The following NAALADL2 variants were observed in gnomAD, a reference collection of about 807,000 sequenced individuals.
NAALADL2 encodes N-acetylated alpha-linked acidic dipeptidase like 2.
Under a neutral mutation model 87.2 loss-of-function variants are expected in NAALADL2, and 76 were observed. The ratio of observed to expected loss-of-function variants is 0.87; its 90% CI spans 0.72 to 1.05. The LOEUF is 1.05. Among genes scored for constraint, NAALADL2 ranks in the 50% least tolerant of loss-of-function variants. NAALADL2 has a pLI of 0.00. For missense variants in NAALADL2, 1,089 were observed against 945.8 expected, an observed-to-expected ratio of 1.15 and a Z score of -1.99; for synonymous variants, 354 against 331.0, an observed-to-expected ratio of 1.07 and a Z score of -0.75.
At chr3:174,875,147 G>T (rs1383887025) in intron 1 of NAALADL2, among the ~76,000 whole-genome samples, 2 of 127,026 alleles carry the variant, frequency 1.6e-5, no homozygotes, top group Non-Finnish European at 1.7e-5. Context: ...AAAAAATCAC[G>T]ATTGGCGAAA....
chr3:175,358,054 A>C (rs1381755966), intron 5 of NAALADL2, among the ~76,000 whole-genome samples: 1 of 152,204 alleles, frequency 6.6e-6, no homozygotes, highest in Admixed American at 6.6e-5. Context: ...ACTGAAATGC[A>C]TGCCATTGAT....
chr3:175,572,900 GAAA>G (rs11299677), intron 9 of NAALADL2, among the ~76,000 whole-genome samples: 57 of 147,158 alleles, frequency 3.9e-4, no homozygotes, highest in African/African-American at 1.3e-3. Flanking sequence ...ACTCTATCTT[GAAA>G]AAAAAAAAAA....
chr3:175,114,258 T>G (rs999862755), intron 2 of NAALADL2, among the ~76,000 whole-genome samples: 1 of 151,618 alleles, frequency 6.6e-6, no homozygotes, highest in African/African-American at 2.4e-5. Context: ...TGGAGGACTA[T>G]TAAATCACGT....
At chr3:175,609,653 T>C (rs1341282626) in intron 10 of NAALADL2, 1 of 152,156 alleles carries the variant, frequency 6.6e-6, no homozygotes, top group Non-Finnish European at 1.5e-5. Flanking sequence ...GCTCATATTT[T>C]GTTTATTCTC....
At chr3:175,589,618 G>T (rs1721072627) in intron 10 of NAALADL2, among the ~76,000 whole-genome samples, 1 of 151,616 alleles carries the variant, frequency 6.6e-6, no homozygotes, top group African/African-American at 2.4e-5. Flanking sequence ...CATCATAATT[G>T]ATATAACTAT....
At chr3:175,502,068 A>C (rs1227973815) in intron 9 of NAALADL2, among the ~76,000 whole-genome samples, 1 of 152,140 alleles carries the variant, frequency 6.6e-6, no homozygotes, top group Non-Finnish European at 1.5e-5. Flanking sequence ...AACAATTTCA[A>C]GTAAAATAAA....
chr3:174,981,878 A>C (rs1029870948), intron 1 of NAALADL2, among the ~76,000 whole-genome samples: 3 of 152,132 alleles, frequency 2.0e-5, no homozygotes, highest in Non-Finnish European at 2.9e-5. Flanking sequence ...CATCAGATCT[A>C]ATTTCCAGGT....
upstream of NAALADL2, among the ~76,000 whole-genome samples, chr3:174,856,638 T>C (rs1725890085): frequency 6.6e-6 from 1 of 152,110 alleles, no homozygotes; most frequent in Non-Finnish European, 1.5e-5. Flanking sequence ...ATGCAAAAGT[T>C]ATGAGGCTGG....
chr3:175,011,363 T>C (rs781606238), intron 1 of NAALADL2, among the ~76,000 whole-genome samples: 16 of 152,128 alleles, frequency 1.1e-4, no homozygotes, highest in Non-Finnish European at 2.2e-4. Flanking sequence ...GAAGTTGTAA[T>C]ATAATGTGTA....
chr3:175,376,599 G>C (rs1033496860), intron 5 of NAALADL2, among the ~76,000 whole-genome samples: 2 of 152,084 alleles, frequency 1.3e-5, no homozygotes, highest in Admixed American at 6.6e-5. Flanking sequence ...TTGGTGTTCT[G>C]TGTGTTTATC....
chr3:175,043,133 A>G (rs1279787018), intron 1 of NAALADL2, among the ~76,000 whole-genome samples: 1 of 152,176 alleles, frequency 6.6e-6, no homozygotes. Flanking sequence ...TTTGTAAATT[A>G]CCCAGCCTCA....
In NAALADL2 at chr3:175,206,321, TACAC is replaced by T. The variant is rs750959695; in HGVS notation, c.546-27598_546-27595del. On this transcript the variant is annotated intron_variant, in intron 2 of 13. Coordinates refer to ENST00000454872, the MANE Select transcript of NAALADL2 (RefSeq NM_207015.3). The stretch of plus-strand genomic sequence containing the variant: ...GTATATATATATATATACACATACA[TACAC>T]ACACACACACATATATAATGTATAT... 9.6e-4 allele frequency among the ~76,000 whole-genome samples: 112 copies of T among 116,872 alleles called. 2 individuals carry two copies. Among genetic ancestry groups the T allele is most frequent in the African/African-American group, 1.6e-3 (43 of 26,208 alleles). The allele number at this position is 116,872 out of a possible 152,430, so 76.7% of individuals were successfully genotyped here.
intron 5 of NAALADL2, among the ~76,000 whole-genome samples, chr3:175,336,544 G>T (rs1338195071): frequency 1.3e-5 from 2 of 152,194 alleles, no homozygotes; most frequent in Non-Finnish European, 2.9e-5. Context: ...CAGAAAGTAG[G>T]AAAGGGCAGG....
intron 2 of NAALADL2, among the ~76,000 whole-genome samples, chr3:174,616,696 T>C (rs1214068171): frequency 1.3e-5 from 2 of 151,892 alleles, no homozygotes; most frequent in Non-Finnish European, 3.0e-5. Context: ...TAAAAAAACT[T>C]GATACTAGTA....
chr3:174,909,705 T>C (rs1264329496), intron 1 of NAALADL2, among the ~76,000 whole-genome samples: 3 of 152,156 alleles, frequency 2.0e-5, no homozygotes, highest in Non-Finnish European at 4.4e-5. Flanking sequence ...CTCTTCCTAC[T>C]TTTGAGTTTC....
chr3:174,758,325 AT>A (rs1712414219), intron 3 of NAALADL2, among the ~76,000 whole-genome samples: 1 of 152,216 alleles, frequency 6.6e-6, no homozygotes, highest in Non-Finnish European at 1.5e-5. Flanking sequence ...CTGTGCCAAC[AT>A]TTTCTCACTT....
intron 1 of NAALADL2, among the ~76,000 whole-genome samples, chr3:174,873,725 C>G (rs1428839624): frequency 6.6e-6 from 1 of 151,770 alleles, no homozygotes; most frequent in African/African-American, 2.4e-5. Flanking sequence ...AGGTACTTAT[C>G]CTGGGAATTA....
At chr3:175,587,325 A>G (rs183197507) in intron 10 of NAALADL2, among the ~76,000 whole-genome samples, 1 of 152,272 alleles carries the variant, frequency 6.6e-6, no homozygotes, top group Non-Finnish European at 1.5e-5. Context: ...TTTTTCACCT[A>G]TGTAGTTCAA....
chr3:175,688,437 T>A (rs1736606234), intron 11 of NAALADL2, among the ~76,000 whole-genome samples: 1 of 152,102 alleles, frequency 6.6e-6, no homozygotes, highest in Non-Finnish European at 1.5e-5. Flanking sequence ...CTGGCAGGTG[T>A]CAGAGTAGCC....
Sources: gnomAD v4.1 joint callset for allele counts (sites outside exome capture counted in the v4.1 genomes callset) on GRCh38, gnomAD v4.1.1 for gene constraint, MANE v1.5 for transcripts, NCBI Gene and HGNC (gene_info 2026-07-23, HGNC 2026-07-21) for gene names.